ATP7B: variants seen among roughly 807,000 people sequenced by gnomAD.
ATP7B encodes ATPase copper transporting beta, also known as copper-transporting ATPase 2.
ATP7B carries 113 observed loss-of-function variants against 118.9 expected under a neutral mutation model. The observed-to-expected ratio is 0.95, with a 90% CI of 0.82 to 1.11. The LOEUF (loss-of-function observed/expected upper bound fraction) is 1.11, where lower values mean the gene tolerates loss of function less well. Ranked by LOEUF, ATP7B falls within the 50% of genes most tolerant of loss-of-function variation. The pLI is 0.00. For synonymous variants in ATP7B, 777 were observed against 727.4 expected (o/e 1.07, Z -1.10); for missense variants, 1,867 against 1,871.4 (o/e 1.00, Z 0.04).
intron 7 of ATP7B, 39 bp from the exon 8 acceptor site, chr13:51,958,583 G>A: frequency 6.3e-7 from 1 of 1,585,476 alleles, no homozygotes; most frequent in Non-Finnish European, 8.7e-7. Context: ...AGCAAGTAGG[G>A]AGGAGAGTTC....
chr13:52,006,609 C>T (rs1953783886), intron 1 of ATP7B, among the ~76,000 whole-genome samples: 1 of 152,242 alleles, frequency 6.6e-6, no homozygotes, highest in South Asian at 2.1e-4. Flanking sequence ...AGTTCACCCT[C>T]TGCCTTGCAG....
intron 15 of ATP7B, 80 bp from the exon 16 acceptor site, chr13:51,941,304 A>C: frequency 6.5e-7 from 1 of 1,546,170 alleles, no homozygotes; most frequent in Non-Finnish European, 8.9e-7. Context: ...TTTTAACAGC[A>C]AAATATCCTT....
chr13:51,970,381 G>A (rs901445108), intron 3 of ATP7B, 111 bp downstream of exon 3: 3 of 1,475,078 alleles, frequency 2.0e-6, no homozygotes, highest in East Asian at 2.3e-5. Context: ...TAATGAACTT[G>A]CTACCTGGTT....
intron 12 of ATP7B, among the ~76,000 whole-genome samples, chr13:51,947,441 G>A (rs553727004): frequency 1.5e-4 from 23 of 152,100 alleles, no homozygotes; most frequent in African/African-American, 5.5e-4. Context: ...GAATTATCTT[G>A]GTTTATTTTT....
At position 51,957,563 on chromosome 13, in the gene ATP7B, G is replaced by A. The variant is rs760562006; in HGVS notation, c.2400C>T (p.Ala800=). The A allele has an allele frequency of 2.5e-6, 4 of 1,614,022 alleles. No homozygotes were observed. In the Admixed American group the frequency reaches 6.7e-5, roughly 27 times the overall value. The stretch of plus-strand genomic sequence containing the variant: ...CAAGGGTCACAACGGTGGCTTCTGT[G>A]GCTTGGAGAGACATGAGTTTAGCCA... ...EALAKLMSLQ[A]TEATVVTLGE... is the part of the protein sequence containing the mutation. The change falls in exon 9 of 21, where the codon GCC becomes GCT. Residue 800 remains alanine, a synonymous_variant. Coordinates refer to ENST00000242839, the MANE Select transcript of ATP7B (RefSeq NM_000053.4).
chr13:51,982,234 T>C (rs932400962), intron 1 of ATP7B, among the ~76,000 whole-genome samples: 24 of 152,204 alleles, frequency 1.6e-4, no homozygotes, highest in Admixed American at 1.4e-3. Context: ...CTTTTGTAAA[T>C]TGCTTTATAG....
At chr13:51,936,009 C>T (rs1376737583) in intron 19 of ATP7B, among the ~76,000 whole-genome samples, 6 of 152,160 alleles carry the variant, frequency 3.9e-5, no homozygotes, top group African/African-American at 9.7e-5. Flanking sequence ...GTGGGAGGAG[C>T]GGGAGGAGAA....
intron 1 of ATP7B, chr13:51,975,502 G>A: frequency 1.9e-6 from 1 of 536,930 alleles, no homozygotes; most frequent in Non-Finnish European, 3.7e-6. Context: ...AGCAGAGGCA[G>A]AGGGCACAGC....
rs1302879168 is a variant in ATP7B, at chr13:52,011,332, A to G, written c.6T>C (p.Pro2=). 1 of 1,614,098 alleles carries G rather than the reference A, an allele frequency of 6.2e-7. No individual in the cohort carries two copies. The highest frequency in any genetic ancestry group is 8.5e-7 in the Non-Finnish European group (1 of 1,180,036). Residue 2 remains proline (P), a synonymous_variant, in exon 1 of 21, where the codon CCT becomes CCC. Coordinates refer to ENST00000242839, the MANE Select transcript of ATP7B (RefSeq NM_000053.4). The part of the protein sequence containing the change: M[P]EQERQITARE... ...TGGCTGTGATCTGTCTCTCCTGCTC[A>G]GGCATCGTCCCGCACGGACACCGAA...
At position 51,974,656 on chromosome 13, in the gene ATP7B, C is replaced by CTGA; in HGVS notation, c.561_563dup (p.Tyr187_Gln188insHis). The CTGA allele has an allele frequency of 1.2e-6, 2 of 1,611,430 alleles. No individual in the cohort carries two copies. Among genetic ancestry groups the CTGA allele is most frequent in the Non-Finnish European group, 1.7e-6 (2 of 1,177,960 alleles). The stretch of plus-strand genomic sequence containing the variant: ...GGTCTTCGGGCTGAATGAGATAAGG[C>CTGA]TGATAAGTGATGACGGCCTCTTGGT... On this transcript the variant is annotated inframe_insertion, in exon 2 of 21. Coordinates refer to ENST00000242839, the MANE Select transcript of ATP7B (RefSeq NM_000053.4).
chr13:51,966,338 A>C (rs1951545825), intron 4 of ATP7B, among the ~76,000 whole-genome samples: 1 of 152,228 alleles, frequency 6.6e-6, no homozygotes, highest in Non-Finnish European at 1.5e-5. Context: ...GCTCTGAGCC[A>C]CTGCCATCTG....
chr13:51,934,401 C>T lies in ATP7B; in HGVS notation c.*355G>A, dbSNP rs1047705237. On this transcript the variant is annotated 3_prime_UTR_variant, in exon 21 of 21. Transcript: ENST00000242839. ...GAAAGGCCCAGTGAGGTTTTTTGGTCCTGATGAAACTGTTCTCCATTTCAC... is the reference window on the plus strand; with the variant it reads ...GAAAGGCCCAGTGAGGTTTTTTGGTTCTGATGAAACTGTTCTCCATTTCAC... 11 of 355,094 alleles carry T rather than the reference C, an allele frequency of 3.1e-5. No individual in the cohort carries two copies. Among genetic ancestry groups the T allele is most frequent in the Non-Finnish European group, 3.8e-5 (7 of 183,198 alleles). 22.0% of individuals were successfully genotyped at this position (355,094 alleles called of 1,614,324 possible).
At position 51,953,682 on chromosome 13, in the gene ATP7B, C is replaced by T. The variant is rs749106349; in HGVS notation, c.2448-3283G>A. Among the ~76,000 whole-genome samples the T allele has an allele frequency of 9.1e-4, 139 of 152,076 alleles. 1 individual carries two copies. Among genetic ancestry groups the T allele is most frequent in the Non-Finnish European group, 1.3e-3 (89 of 68,000 alleles). On this transcript the variant is annotated intron_variant, in intron 9 of 20. Transcript: ENST00000242839. ...TTAATTAAAAGACAGTGGTTTGTTTCATAGCACTTCATCTTTAAGAGTTTC... is the reference window on the plus strand; with the variant it reads ...TTAATTAAAAGACAGTGGTTTGTTTTATAGCACTTCATCTTTAAGAGTTTC...
intron 1 of ATP7B, among the ~76,000 whole-genome samples, chr13:52,000,128 A>G (rs558123385): frequency 1.3e-5 from 2 of 152,152 alleles, no homozygotes; most frequent in Non-Finnish European, 2.9e-5. Context: ...ACACTCATCC[A>G]GGCCAGGAGA....
chr13:51,975,006 A>G lies in ATP7B; in HGVS notation c.214T>C (p.Cys72Arg), dbSNP rs1333511931. Residue 72 changes from cysteine to arginine, a missense_variant, in exon 2 of 21, where the codon TGT (cysteine) becomes CGT (arginine). Coordinates refer to ENST00000242839, the MANE Select transcript of ATP7B (RefSeq NM_000053.4). ...ATCCTGTCCTCAATGGACTTCACAC[A>G]TGACTGGCAAGTCATGCCCAAGATC... ...VRILGMTCQSCVKSIEDRISN... is the reference protein window; with the variant it reads ...VRILGMTCQSRVKSIEDRISN... 1.9e-6 allele frequency: 3 copies of G among 1,614,066 alleles called. No homozygotes were observed. The highest frequency in any genetic ancestry group is 2.5e-6 in the Non-Finnish European group (3 of 1,180,038).
At chr13:52,008,297 G>T (rs779410740) in intron 1 of ATP7B, among the ~76,000 whole-genome samples, 8 of 152,168 alleles carry the variant, frequency 5.3e-5, no homozygotes, top group African/African-American at 1.7e-4. Flanking sequence ...CCGAGATCCC[G>T]CCACTGCACT....
intron 7 of ATP7B, 44 bp downstream of exon 7, chr13:51,960,104 A>C: frequency 6.3e-7 from 1 of 1,592,842 alleles, no homozygotes; most frequent in East Asian, 2.2e-5. Context: ...TGAGGGCCAC[A>C]CACAGCATGG....
chr13:52,001,873 C>G (rs933574702), intron 1 of ATP7B, among the ~76,000 whole-genome samples: 1 of 152,118 alleles, frequency 6.6e-6, no homozygotes, highest in Non-Finnish European at 1.5e-5. Context: ...TCACTGCAGC[C>G]TCCGCCTCCC....
In ATP7B at chr13:51,941,023, A is replaced by G. The variant is rs1275429536; in HGVS notation, c.3556+58T>C. On this transcript the variant is annotated intron_variant, in intron 16 of 20. Coordinates refer to ENST00000242839, the MANE Select transcript of ATP7B (RefSeq NM_000053.4). ...TTATAAAGGAGGACTCTTTTGCCTG[A>G]TATCTGCAGAAAACTGTATTTCTGA... The G allele has an allele frequency of 2.4e-5, 39 of 1,610,084 alleles. 1 individual carries two copies. In the Admixed American group the frequency reaches 4.2e-4, roughly 17 times the overall value.
Sources: gnomAD v4.1 joint callset for allele counts (sites outside exome capture counted in the v4.1 genomes callset) on GRCh38, gnomAD v4.1.1 for gene constraint, MANE v1.5 for transcripts, NCBI Gene and HGNC (gene_info 2026-07-23, HGNC 2026-07-21) for gene names.